JADE1: variants seen among roughly 807,000 people sequenced by gnomAD.
JADE1 encodes protein Jade-1.
Under a neutral mutation model 81.8 loss-of-function variants are expected in JADE1, and 14 were observed. That is an observed-to-expected ratio of 0.17 (90% confidence interval 0.11 to 0.27). The LOEUF is 0.27. Ranked by LOEUF, JADE1 falls within the 10% of genes least tolerant of loss-of-function variation. The probability of loss-of-function intolerance (pLI) is 1.00; values close to 1 mark genes in which losing one functional copy is unlikely to be tolerated. For missense variants in JADE1, 690 were observed against 1,047.9 expected, an observed-to-expected ratio of 0.66 and a Z score of 4.71; for synonymous variants, 353 against 391.9, an observed-to-expected ratio of 0.90 and a Z score of 1.17.
intron 1 of JADE1, 151 bp from the exon 2 acceptor site, chr4:128,831,582 A>G (rs1728557669): frequency 3.1e-6 from 2 of 639,318 alleles, no homozygotes; most frequent in East Asian, 2.7e-5. Flanking sequence ...CTAATTATGT[A>G]TCTTTGGTCT....
rs1303122209 is a variant in JADE1, at chr4:128,846,942, G to A, written c.296+410G>A. Among the ~76,000 whole-genome samples the A allele has an allele frequency of 2.0e-5, 3 of 152,202 alleles. No homozygotes were observed. The highest frequency in any genetic ancestry group is 1.9e-4 in the East Asian group (1 of 5,196). ...GCATCTGGCTTTGTTGGGAACTAGC[G>A]CGGGCAGCTGCTCTGCCTACTGCGG... is the stretch of plus-strand genomic sequence containing the variant. On this transcript the variant is annotated intron_variant, in intron 4 of 10. Coordinates refer to ENST00000226319, the MANE Select transcript of JADE1 (RefSeq NM_199320.4). The surrounding 1 kb of genome is among the most constrained non-coding windows in gnomAD (Gnocchi z 4.0).
chr4:128,863,835 A>G, intron 9 of JADE1: 1 of 985,520 alleles, frequency 1.0e-6, no homozygotes, highest in Non-Finnish European at 1.2e-6. Context: ...CTATGGAGTC[A>G]GATAGTTGTT....
chr4:128,825,634 A>G (rs192117470), intron 1 of JADE1, among the ~76,000 whole-genome samples: 21 of 152,326 alleles, frequency 1.4e-4, no homozygotes, highest in Non-Finnish European at 2.2e-4. Flanking sequence ...CACTGAAGCC[A>G]CTTGTCTAGT....
intron 2 of JADE1, among the ~76,000 whole-genome samples, chr4:128,834,850 A>C (rs1728853777): frequency 6.6e-6 from 1 of 151,986 alleles, no homozygotes; most frequent in Non-Finnish European, 1.5e-5. Flanking sequence ...TTTCATCTAA[A>C]ATATATATGT....
chr4:128,832,341 A>G (rs1728627583), intron 2 of JADE1, among the ~76,000 whole-genome samples: 1 of 152,234 alleles, frequency 6.6e-6, no homozygotes, highest in South Asian at 2.1e-4. Context: ...TTCACAGTGC[A>G]GCTGAGAACC....
At chr4:128,826,239 A>G (rs1356303630) in intron 1 of JADE1, among the ~76,000 whole-genome samples, 4 of 152,146 alleles carry the variant, frequency 2.6e-5, no homozygotes, top group South Asian at 2.1e-4. Context: ...GAGGGCATCT[A>G]TTGTAGCCAC....
intron 2 of JADE1, 136 bp downstream of exon 2, chr4:128,831,946 A>G (rs529365047): frequency 1.2e-4 from 89 of 768,512 alleles, no homozygotes; most frequent in Non-Finnish European, 1.7e-4. Context: ...AGCCTGGAGA[A>G]ACGTACCTGA....
At position 128,813,264 on chromosome 4, in the gene JADE1, T is replaced by A. The variant is rs1220950175; in HGVS notation, c.-27+3387T>A. ...TTGCATTGAGTCAACACTTTTGATG[T>A]AATAATTTGTTGTAGGTGGGCAACA... On this transcript the variant is annotated intron_variant, in intron 1 of 10. Coordinates refer to ENST00000226319, the MANE Select transcript of JADE1 (RefSeq NM_199320.4). Among the ~76,000 whole-genome samples the A allele has an allele frequency of 2.6e-5, 4 of 152,182 alleles. No individual in the cohort carries two copies. In the South Asian group the frequency reaches 8.3e-4, roughly 32 times the overall value.
rs759015327 is a variant in JADE1 at position 128,852,160 on chromosome 4, G to T, written c.588G>T (p.Leu196=). ...MNHAIETEEG[L]GIEYDEDVVC... is the part of the protein sequence containing the mutation. The stretch of plus-strand genomic sequence containing the variant: ...ATGCCATAGAGACTGAGGAAGGCCT[G>T]GGGATCGAATATGATGAAGATGTTG... The change falls in exon 6 of 11, where the codon CTG becomes CTT. Residue 196 remains leucine (L), a synonymous_variant. Coordinates refer to ENST00000226319, the MANE Select transcript of JADE1 (RefSeq NM_199320.4). The T allele has an allele frequency of 6.2e-6, 10 of 1,614,148 alleles. No homozygotes were observed. The South Asian group carries it at 9.9e-5, about 16-fold the overall frequency.
chr4:128,873,833 A>G lies in JADE1; in HGVS notation c.*1571A>G, dbSNP rs775887804. On this transcript the variant is annotated 3_prime_UTR_variant, in exon 11 of 11. Transcript: ENST00000226319. ...AATGCTTTGAGGAGTTCTGCAGTTA[A>G]CTTTCAAGTCTTCCAGATGATTGTC... 9.8e-5 allele frequency: 15 copies of G among 152,626 alleles called. No homozygotes were observed. Among genetic ancestry groups the G allele is most frequent in the Admixed American group, 7.2e-4 (11 of 15,284 alleles). The allele number at this position is 152,626 out of a possible 1,614,324, so 9.5% of individuals were successfully genotyped here.
Position 128,812,442 on chromosome 4 carries a change from G to C in JADE1, c.-27+2565G>C, listed in dbSNP as rs868098430. 6.2e-4 allele frequency among the ~76,000 whole-genome samples: 95 copies of C among 152,100 alleles called. 1 individual carries two copies. The highest frequency in any genetic ancestry group is 2.3e-3 in the African/African-American group (94 of 41,526). ...GGCGGCCGAGCTCCCCCACAACCCC[G>C]GGGTGCCCCCCTTGCTGGGATCCTT... On this transcript the variant is annotated intron_variant, in intron 1 of 10. Coordinates refer to ENST00000226319, the MANE Select transcript of JADE1 (RefSeq NM_199320.4).
intron 9 of JADE1, among the ~76,000 whole-genome samples, chr4:128,865,551 G>T (rs1731719180): frequency 6.6e-6 from 1 of 152,218 alleles, no homozygotes; most frequent in Non-Finnish European, 1.5e-5. Context: ...GAGAGCATCA[G>T]TCCAGCTCTG....
chr4:128,861,512 C>G (rs1731325079), intron 8 of JADE1, among the ~76,000 whole-genome samples, 192 bp from the exon 9 acceptor site: 1 of 152,200 alleles, frequency 6.6e-6, no homozygotes, highest in Non-Finnish European at 1.5e-5. Context: ...AAAAAAAATT[C>G]CAAGCCTTAC....
intron 1 of JADE1, among the ~76,000 whole-genome samples, chr4:128,814,512 A>G (rs1726807807): frequency 6.6e-6 from 1 of 151,944 alleles, no homozygotes. Flanking sequence ...ATGCATGTGC[A>G]TGTGTGTTTT....
At chr4:128,859,101 G>A (rs910330588) in intron 8 of JADE1, among the ~76,000 whole-genome samples, 3 of 152,122 alleles carry the variant, frequency 2.0e-5, no homozygotes, top group Non-Finnish European at 2.9e-5. Flanking sequence ...CCTCTGGCCC[G>A]AGTTGGATTG....
At position 128,874,253 on chromosome 4, in the gene JADE1, C is replaced by G. The variant is rs13148510; in HGVS notation, c.*1991C>G. On this transcript the variant is annotated 3_prime_UTR_variant, in exon 11 of 11. Coordinates refer to ENST00000226319, the MANE Select transcript of JADE1 (RefSeq NM_199320.4). ...TACAGTTATCTTTTGATTACAGCAA[C>G]AGCTCTGGGTGAGAGTAGAATTTAT... 5,790 of 152,582 alleles carry G rather than the reference C, an allele frequency of 0.038. 114 individuals are homozygous for G. Among genetic ancestry groups the G allele is most frequent in the Middle Eastern group, 0.058 (17 of 292 alleles). 9.5% of individuals were successfully genotyped at this position (152,582 alleles called of 1,614,324 possible). A position where few individuals can be genotyped will look rare whatever the true frequency, so the allele number is the denominator to read the frequency against.
At chr4:128,816,737 C>T (rs916010122) in intron 1 of JADE1, among the ~76,000 whole-genome samples, 4 of 152,144 alleles carry the variant, frequency 2.6e-5, no homozygotes, top group African/African-American at 7.2e-5. Flanking sequence ...TACTCTAAAA[C>T]GAATTCAGTA....
chr4:128,865,558 T>C (rs1731719640), intron 9 of JADE1, among the ~76,000 whole-genome samples: 1 of 152,182 alleles, frequency 6.6e-6, no homozygotes, highest in African/African-American at 2.4e-5. Context: ...TCAGTCCAGC[T>C]CTGCAGGTGG....
intron 2 of JADE1, among the ~76,000 whole-genome samples, chr4:128,842,395 G>T (rs1279265353): frequency 6.6e-6 from 1 of 151,856 alleles, no homozygotes; most frequent in East Asian, 1.9e-4. Flanking sequence ...TGCCTCCTAG[G>T]TTCAAGCAAT....
Sources: allele counts gnomAD v4.1 joint callset (sites outside exome capture counted in the v4.1 genomes callset), GRCh38; gene constraint gnomAD v4.1.1; non-coding constraint Gnocchi (gnomAD v3.1); transcripts MANE v1.5; gene names NCBI Gene and HGNC (gene_info 2026-07-23, HGNC 2026-07-21).